ARHGEF28: variants seen among roughly 807,000 people sequenced by gnomAD.
ARHGEF28 encodes 190 kDa guanine nucleotide exchange factor.
A neutral mutation model predicts 206.6 loss-of-function variants in ARHGEF28; 152 were observed. The ratio of observed to expected loss-of-function variants is 0.74; its 90% CI spans 0.64 to 0.84. The LOEUF (loss-of-function observed/expected upper bound fraction) is 0.84. Ranked by LOEUF, ARHGEF28 falls within the 40% of genes least tolerant of loss-of-function variation. The pLI is 0.00. For missense variants in ARHGEF28, 2,028 were observed against 2,073.2 expected, an observed-to-expected ratio of 0.98 and a Z score of 0.42; for synonymous variants, 763 against 776.4, an observed-to-expected ratio of 0.98 and a Z score of 0.29.
rs1302058387 is a variant in ARHGEF28 at position 73,894,575 on chromosome 5, G to T, written c.3841G>T (p.Ala1281Ser). 1 of 1,613,160 alleles carries T rather than the reference G, an allele frequency of 6.2e-7. No homozygotes were observed. Among genetic ancestry groups the T allele is most frequent in the East Asian group, 2.2e-5 (1 of 44,854 alleles). The stretch of plus-strand genomic sequence containing the variant: ...ATTACTGGCAGCAGCACTGAAAGAA[G>T]GTAAACTGCTGTGAGAAGGGTTTGG... Reference protein sequence around the residue: ...ASLLAAALKEAESLQVAVKAS... With the variant: ...ASLLAAALKESESLQVAVKAS... The change falls in exon 29 of 36, where the codon GCT (alanine) becomes TCT (serine). Residue 1281 changes from alanine (A) to serine (S), a missense_variant and splice_region_variant. By Grantham distance (99) the Ala-to-Ser change is moderately conservative. Coordinates refer to ENST00000513042, the MANE Select transcript of ARHGEF28 (RefSeq NM_001177693.2).
At chr5:73,839,548 G>C (rs1757858722) in intron 10 of ARHGEF28, among the ~76,000 whole-genome samples, 1 of 152,170 alleles carries the variant, frequency 6.6e-6, no homozygotes, top group Admixed American at 6.5e-5. Flanking sequence ...CTTAGAGCAA[G>C]TGCTTTCATC....
rs1445565731 is a variant in ARHGEF28, at chr5:73,909,632, A to G, written c.4382A>G (p.Gln1461Arg). Residue 1461 changes from glutamine to arginine, a missense_variant, in exon 34 of 36, where the codon CAG becomes CGG. Gln to Arg is a conservative substitution (Grantham distance 43). This residue lies in a region of ARHGEF28 where 803 missense variants were observed against 768.0 expected (regional missense o/e 1.05). Transcript: ENST00000513042. Reference sequence around the variant, plus strand: ...CGCTGGCTGCGCAGGTGTGAGCAGCAGCAGCGGGCGCAGGCGACCAGGGAG... The same window carrying G: ...CGCTGGCTGCGCAGGTGTGAGCAGCGGCAGCGGGCGCAGGCGACCAGGGAG... The part of the protein sequence containing the change: ...QRRWLRRCEQ[Q>R]QRAQATRESW... 5 of 1,549,966 alleles carry G rather than the reference A, an allele frequency of 3.2e-6. No homozygotes were observed. The South Asian group carries it at 3.6e-5, about 11-fold the overall frequency.
At chr5:73,635,299 G>A (rs1427311098) in intron 1 of ARHGEF28, among the ~76,000 whole-genome samples, 9 of 152,072 alleles carry the variant, frequency 5.9e-5, no homozygotes, top group South Asian at 2.1e-4. Context: ...GGCCGAGATC[G>A]CGTCATTGCA....
At chr5:73,628,627 A>G (rs529904715) in intron 1 of ARHGEF28, among the ~76,000 whole-genome samples, 6 of 152,318 alleles carry the variant, frequency 3.9e-5, no homozygotes, top group Middle Eastern at 3.4e-3. Flanking sequence ...ATAACCTTAA[A>G]TAAGATTTGT....
intron 10 of ARHGEF28, 53 bp downstream of exon 10, chr5:73,832,512 G>C: frequency 6.3e-7 from 1 of 1,584,890 alleles, no homozygotes; most frequent in Non-Finnish European, 8.6e-7. Context: ...CAAAACCTGG[G>C]TTTGTAAGAA....
chr5:73,708,188 T>A (rs540194450), intron 2 of ARHGEF28, among the ~76,000 whole-genome samples: 15 of 150,242 alleles, frequency 1.0e-4, no homozygotes, highest in Admixed American at 1.0e-3. Flanking sequence ...CTGTCAAAGT[T>A]TTTTTTTTTT....
rs372414778 is a variant in ARHGEF28 at position 73,752,933 on chromosome 5, C to T, written c.206C>T (p.Thr69Met). 4.8e-5 allele frequency: 78 copies of T among 1,613,750 alleles called. No individual in the cohort carries two copies. Among genetic ancestry groups the T allele is most frequent in the Non-Finnish European group, 5.9e-5 (70 of 1,179,862 alleles). The change falls in exon 4 of 36, where the codon ACG becomes ATG. Residue 69 changes from threonine to methionine, a missense_variant. Physicochemically the swap from Thr to Met is moderately conservative, Grantham distance 81 (BLOSUM62 -1). This residue lies in a region of ARHGEF28 where 1,002 missense variants were observed against 1,015.3 expected (regional missense o/e 0.99). Transcript: ENST00000513042. ...GGCCATGGGCTTCAGGAGACGGTGACGGTATCTGTGTGCCTCTGCTCGGAA... is the reference window on the plus strand; with the variant it reads ...GGCCATGGGCTTCAGGAGACGGTGATGGTATCTGTGTGCCTCTGCTCGGAA... ...VPGHGLQETV[T>M]VSVCLCSEGY...
At chr5:73,785,777 T>G (rs1391001389) in intron 7 of ARHGEF28, among the ~76,000 whole-genome samples, 1 of 152,116 alleles carries the variant, frequency 6.6e-6, no homozygotes, top group East Asian at 1.9e-4. Context: ...CTTCCACATT[T>G]TCATTGACAA....
chr5:73,917,618 C>G (rs896157343), intron 35 of ARHGEF28, among the ~76,000 whole-genome samples: 2 of 152,282 alleles, frequency 1.3e-5, no homozygotes, highest in East Asian at 3.9e-4. Context: ...AGCAGGAGAG[C>G]AAAACCAGCA....
intron 7 of ARHGEF28, among the ~76,000 whole-genome samples, chr5:73,788,502 T>C (rs1399266493): frequency 6.6e-6 from 1 of 152,188 alleles, no homozygotes; most frequent in African/African-American, 2.4e-5. Context: ...ATATTTTGTA[T>C]GTTACATGTA....
At chr5:73,838,988 T>C (rs1336994931) in intron 10 of ARHGEF28, among the ~76,000 whole-genome samples, 2 of 152,234 alleles carry the variant, frequency 1.3e-5, no homozygotes, top group Admixed American at 1.3e-4. Context: ...ATGGCACTGA[T>C]ATTTTAAAAG....
rs748991367 is a variant in ARHGEF28, at chr5:73,852,702, A to T, written c.1790+10A>T. Reference sequence around the variant, plus strand: ...CACCAAGAGAAAACAGGTACTTTTAACTATTCCAATTTTCCTGAGGAACTG... The same window carrying T: ...CACCAAGAGAAAACAGGTACTTTTATCTATTCCAATTTTCCTGAGGAACTG... On this transcript the variant is annotated intron_variant, in intron 14 of 35. Coordinates refer to ENST00000513042, the MANE Select transcript of ARHGEF28 (RefSeq NM_001177693.2). The T allele has an allele frequency of 2.0e-5, 33 of 1,613,156 alleles. No individual in the cohort carries two copies. In the South Asian group the frequency reaches 3.5e-4, roughly 17 times the overall value.
intron 1 of ARHGEF28, among the ~76,000 whole-genome samples, chr5:73,634,933 C>T (rs1743602794): frequency 6.6e-6 from 1 of 152,106 alleles, no homozygotes; most frequent in South Asian, 2.1e-4. Flanking sequence ...TTTTAGTATC[C>T]TTAGATTTTT....
chr5:73,826,808 A>T (rs1323046751), intron 9 of ARHGEF28, among the ~76,000 whole-genome samples: 2 of 152,066 alleles, frequency 1.3e-5, no homozygotes, highest in African/African-American at 4.8e-5. Context: ...GTGTCACCTG[A>T]TTAGAGCATT....
chr5:73,940,706 T>G lies in ARHGEF28; in HGVS notation c.4949-138T>G, dbSNP rs148273638. Reference sequence around the variant, plus strand: ...ATGATTTTGACACCTATTATGTTCCTTTCTCATTGGGCTTGGCCATTCTGT... The same window carrying G: ...ATGATTTTGACACCTATTATGTTCCGTTCTCATTGGGCTTGGCCATTCTGT... On this transcript the variant is annotated intron_variant, in intron 35 of 35. Transcript: ENST00000513042. The G allele has an allele frequency of 1.3e-3, 805 of 627,840 alleles. 12 individuals are homozygous for G. In the Admixed American group the frequency reaches 0.02, roughly 15 times the overall value. The allele number at this position is 627,840 out of a possible 1,614,324, so 38.9% of individuals were successfully genotyped here. A position where few individuals can be genotyped will look rare whatever the true frequency, so the allele number is the denominator to read the frequency against.
At chr5:73,784,159 C>A (rs1754013273) in intron 7 of ARHGEF28, among the ~76,000 whole-genome samples, 1 of 151,140 alleles carries the variant, frequency 6.6e-6, no homozygotes. Context: ...CTAAAGCAAA[C>A]TTCCTCTTTA....
intron 9 of ARHGEF28, among the ~76,000 whole-genome samples, chr5:73,816,359 GC>G (rs2112528719): frequency 6.6e-6 from 1 of 152,294 alleles, no homozygotes; most frequent in South Asian, 2.1e-4. Context: ...AACTGAGGTG[GC>G]TTGAATTTCT....
At chr5:73,892,575 C>T (rs1343098397) in intron 27 of ARHGEF28, among the ~76,000 whole-genome samples, 1 of 152,070 alleles carries the variant, frequency 6.6e-6, no homozygotes, top group East Asian at 1.9e-4. Context: ...TATATACTGC[C>T]TTGTAGCTAT....
chr5:73,852,614 G>A, intron 13 of ARHGEF28, 36 bp from the exon 14 acceptor site: 1 of 1,603,840 alleles, frequency 6.2e-7, no homozygotes, highest in Non-Finnish European at 8.5e-7. Flanking sequence ...CAGTTTGTGT[G>A]CCTTAGTTTT....
Sources: gnomAD v4.1 joint callset for allele counts (sites outside exome capture counted in the v4.1 genomes callset) on GRCh38, gnomAD v4.1.1 for gene constraint, gnomAD v4.1.1 regional missense constraint, MANE v1.5 for transcripts, NCBI Gene and HGNC (gene_info 2026-07-23, HGNC 2026-07-21) for gene names.